The following ERICH3 variants were observed in gnomAD, a reference collection of about 807,000 sequenced individuals.
ERICH3 encodes the protein glutamate-rich protein 3.
Under a neutral mutation model 131.1 loss-of-function variants are expected in ERICH3, and 126 were observed. The ratio of observed to expected loss-of-function variants is 0.96; its 90% CI spans 0.83 to 1.11. The LOEUF is 1.11. Ranked by LOEUF, ERICH3 falls within the 50% of genes most tolerant of loss-of-function variation. The probability of loss-of-function intolerance (pLI) is 0.00; values close to 1 mark genes in which losing one functional copy is unlikely to be tolerated. For missense variants in ERICH3, 2,050 were observed against 1,810.7 expected, an observed-to-expected ratio of 1.13 and a Z score of -2.40; for synonymous variants, 695 against 644.6, an observed-to-expected ratio of 1.08 and a Z score of -1.18.
intron 3 of ERICH3, among the ~76,000 whole-genome samples, chr1:74,646,135 G>C (rs775357005): frequency 1.3e-5 from 2 of 152,056 alleles, no homozygotes; most frequent in Non-Finnish European, 2.9e-5. Flanking sequence ...ATGTTGACCA[G>C]AGTGGCCTAC....
intron 1 of ERICH3, among the ~76,000 whole-genome samples, chr1:74,654,185 A>C (rs1476340979): frequency 6.6e-6 from 1 of 152,066 alleles, no homozygotes; most frequent in Non-Finnish European, 1.5e-5. Flanking sequence ...CCTCACAAGA[A>C]TCACCTTTAA....
At chr1:74,640,773 G>GCA (rs1557695890) in intron 5 of ERICH3, among the ~76,000 whole-genome samples, 1 of 152,058 alleles carries the variant, frequency 6.6e-6, no homozygotes, top group Non-Finnish European at 1.5e-5. Context: ...TAGAGTATGT[G>GCA]CACAGACTTT....
intron 11 of ERICH3, among the ~76,000 whole-genome samples, chr1:74,590,681 C>T (rs907498486): frequency 1.3e-5 from 2 of 152,122 alleles, no homozygotes; most frequent in African/African-American, 2.4e-5. Flanking sequence ...GCTTCCCCAC[C>T]ACTCACCTCC....
intron 6 of ERICH3, chr1:74,634,585 G>C: frequency 1.5e-6 from 1 of 679,976 alleles, no homozygotes; most frequent in East Asian, 2.7e-5. Flanking sequence ...CCTGATTGAT[G>C]GTGTTCACAT....
intron 6 of ERICH3, chr1:74,634,916 G>T (rs1367822843): frequency 2.5e-6 from 1 of 399,572 alleles, no homozygotes. Context: ...CTGATTCCAT[G>T]CTCACTAGGC....
chr1:74,665,385 C>T (rs962146053), intron 1 of ERICH3, among the ~76,000 whole-genome samples: 1 of 152,218 alleles, frequency 6.6e-6, no homozygotes, highest in African/African-American at 2.4e-5. Context: ...ACCCCCATGA[C>T]CCCCATATGT....
intron 13 of ERICH3, among the ~76,000 whole-genome samples, chr1:74,573,957 C>T (rs899700873): frequency 2.0e-5 from 3 of 149,976 alleles, no homozygotes; most frequent in Non-Finnish European, 4.4e-5. Context: ...ATTTAATCTT[C>T]ATATAAATTA....
intron 7 of ERICH3, 41 bp downstream of exon 7, chr1:74,631,672 C>G (rs1441886352): frequency 6.7e-7 from 1 of 1,502,838 alleles, no homozygotes; most frequent in East Asian, 2.3e-5. Context: ...GCAATGTAAT[C>G]TGAGATAAAT....
At chr1:74,644,039 C>A (rs565565514) in intron 3 of ERICH3, among the ~76,000 whole-genome samples, 63 of 151,776 alleles carry the variant, frequency 4.2e-4, no homozygotes, top group Non-Finnish European at 7.2e-4. Context: ...TAAAAATAAG[C>A]CCCATGTAAA....
intron 3 of ERICH3, among the ~76,000 whole-genome samples, chr1:74,645,299 ATGAATG>A (rs1646471778): frequency 6.6e-6 from 1 of 152,110 alleles, no homozygotes; most frequent in African/African-American, 2.4e-5. Context: ...GAGTGAATGC[ATGAATG>A]TGAATACAGC....
intron 1 of ERICH3, among the ~76,000 whole-genome samples, chr1:74,665,226 G>A (rs1400731533): frequency 1.3e-5 from 2 of 150,202 alleles, no homozygotes; most frequent in Non-Finnish European, 3.0e-5. Context: ...AAAAAAAACA[G>A]CCATCTGTGA....
intron 11 of ERICH3, among the ~76,000 whole-genome samples, chr1:74,597,917 C>T (rs1190518384): frequency 6.6e-6 from 1 of 151,898 alleles, no homozygotes; most frequent in Admixed American, 6.6e-5. Context: ...TGTATCTATC[C>T]TCTGAACATC....
intron 8 of ERICH3, among the ~76,000 whole-genome samples, chr1:74,616,468 G>A (rs1048131570): frequency 1.3e-5 from 2 of 152,134 alleles, no homozygotes; most frequent in Admixed American, 1.3e-4. Context: ...ATCAGAGAGG[G>A]CTCAACCTTT....
At position 74,603,141 on chromosome 1, in the gene ERICH3, C is replaced by T. The variant is rs138263423; in HGVS notation, c.1490-3210G>A. Among the ~76,000 whole-genome samples, 607 of 151,930 alleles carry T rather than the reference C, an allele frequency of 4.0e-3. 3 individuals carry two copies. The highest frequency in any genetic ancestry group is 0.014 in the African/African-American group (576 of 41,508). ...GCCAGCCCTTCCACAGGTACCCCAA[C>T]CCATGGTTATTGTGCCCCCTATCCA... On this transcript the variant is annotated intron_variant, in intron 10 of 14. Coordinates refer to ENST00000326665, the MANE Select transcript of ERICH3 (RefSeq NM_001002912.5).
chr1:74,671,386 T>G (rs559284791), intron 1 of ERICH3, among the ~76,000 whole-genome samples: 1 of 152,202 alleles, frequency 6.6e-6, no homozygotes, highest in Non-Finnish European at 1.5e-5. Flanking sequence ...TTGTACCTAC[T>G]GTCTGTTATT....
chr1:74,606,425 A>G (rs572047383), intron 10 of ERICH3, among the ~76,000 whole-genome samples, 176 bp downstream of exon 10: 1 of 151,768 alleles, frequency 6.6e-6, no homozygotes, highest in Non-Finnish European at 1.5e-5. Flanking sequence ...GCCTTCCTCT[A>G]AGGTAGGTGA....
chr1:74,631,678 T>C (rs1236122718), intron 7 of ERICH3, 35 bp downstream of exon 7: 2 of 1,535,416 alleles, frequency 1.3e-6, no homozygotes, highest in African/African-American at 1.4e-5. Context: ...TAATCTGAGA[T>C]AAATTAATAA....
At position 74,568,341 on chromosome 1, in the gene ERICH3, T is replaced by G. The variant is rs187778141; in HGVS notation, c.*2117A>C. ...TAAATATAAAAGTAATCCAATGCAATACTATTTAGCACATTGTACAAAACT... is the reference window on the plus strand; with the variant it reads ...TAAATATAAAAGTAATCCAATGCAAGACTATTTAGCACATTGTACAAAACT... On this transcript the variant is annotated 3_prime_UTR_variant, in exon 15 of 15. Coordinates refer to ENST00000326665, the MANE Select transcript of ERICH3 (RefSeq NM_001002912.5). The G allele has an allele frequency of 6.6e-6, 1 of 152,144 alleles. No homozygotes were observed. Among genetic ancestry groups the G allele is most frequent in the Non-Finnish European group, 1.5e-5 (1 of 67,990 alleles). 9.4% of individuals were successfully genotyped at this position (152,144 alleles called of 1,614,324 possible).
chr1:74,654,415 G>C (rs774184259), intron 1 of ERICH3, among the ~76,000 whole-genome samples: 25 of 151,862 alleles, frequency 1.6e-4, no homozygotes, highest in Non-Finnish European at 1.9e-4. Flanking sequence ...ATATCCTACT[G>C]TTTCTCTTAG....
Sources: gnomAD v4.1 joint callset for allele counts (sites outside exome capture counted in the v4.1 genomes callset) on GRCh38, gnomAD v4.1.1 for gene constraint, MANE v1.5 for transcripts, NCBI Gene and HGNC (gene_info 2026-07-23, HGNC 2026-07-21) for gene names.